Variants in CUL1 observed in about 807,000 individuals in gnomAD.
CUL1 encodes the protein cullin-1.
A neutral mutation model predicts 118.0 loss-of-function variants in CUL1; 24 were observed. The ratio of observed to expected loss-of-function variants is 0.20; its 90% CI spans 0.15 to 0.29. The LOEUF (loss-of-function observed/expected upper bound fraction) is 0.29. Ranked by LOEUF, CUL1 falls within the 10% of genes least tolerant of loss-of-function variation. The pLI, the probability that CUL1 is intolerant of heterozygous loss-of-function variation, is 1.00. For missense variants in CUL1, 361 were observed against 933.8 expected, an observed-to-expected ratio of 0.39 and a Z score of 7.99; for synonymous variants, 332 against 340.4, an observed-to-expected ratio of 0.98 and a Z score of 0.27.
At chr7:148,797,135 G>A (rs1316014021) in intron 17 of CUL1, among the ~76,000 whole-genome samples, 1 of 152,094 alleles carries the variant, frequency 6.6e-6, no homozygotes, top group Non-Finnish European at 1.5e-5. Flanking sequence ...TGCATCAAAG[G>A]CAAGTTGACA....
At chr7:148,745,510 C>T (rs1434502367) in intron 2 of CUL1, among the ~76,000 whole-genome samples, 3 of 152,004 alleles carry the variant, frequency 2.0e-5, no homozygotes, top group African/African-American at 7.3e-5. Flanking sequence ...AATATTTTTT[C>T]TAGAGTTTAT....
intron 7 of CUL1, among the ~76,000 whole-genome samples, chr7:148,762,977 T>C (rs1333681285): frequency 6.6e-6 from 1 of 152,166 alleles, no homozygotes; most frequent in Non-Finnish European, 1.5e-5. Context: ...TGAAACCCTC[T>C]CTCTAATAAA....
At chr7:148,749,003 G>A (rs1799394516) in intron 2 of CUL1, among the ~76,000 whole-genome samples, 1 of 152,030 alleles carries the variant, frequency 6.6e-6, no homozygotes, top group African/African-American at 2.4e-5. Context: ...TATTAGTATA[G>A]GTTTTTCCTA....
intron 2 of CUL1, among the ~76,000 whole-genome samples, chr7:148,733,675 T>C (rs1426758267): frequency 2.6e-5 from 4 of 152,214 alleles, no homozygotes. Flanking sequence ...GCAGTGCCTC[T>C]CACTGTTCTA....
chr7:148,798,086 A>C, intron 19 of CUL1, 67 bp downstream of exon 19: 1 of 924,592 alleles, frequency 1.1e-6, no homozygotes, highest in East Asian at 2.6e-5. Flanking sequence ...CCTAGCACGG[A>C]TCTCAGTATT....
chr7:148,799,482 G>A, intron 21 of CUL1, 94 bp downstream of exon 21: 1 of 809,062 alleles, frequency 1.2e-6, no homozygotes, highest in Non-Finnish European at 2.0e-6. Flanking sequence ...CATGAAGGAG[G>A]AGGGAGCTGG....
In CUL1 at chr7:148,783,765, T is replaced by C. The variant is rs932102179; in HGVS notation, c.1084-18T>C. On this transcript the variant is annotated intron_variant, in intron 9 of 21. Coordinates refer to ENST00000325222, the MANE Select transcript of CUL1 (RefSeq NM_003592.3). ...CCCCAATAACCAACTTTTGTTTCTA[T>C]TTCTGCCCCCATTTAAGGACCCCAA... 6.2e-7 allele frequency: 1 copy of C among 1,612,748 alleles called. No homozygotes were observed. Among genetic ancestry groups the C allele is most frequent in the South Asian group, 1.1e-5 (1 of 91,024 alleles).
chr7:148,756,993 A>G lies in CUL1; in HGVS notation c.326A>G (p.Asp109Gly), dbSNP rs746537446. 1.3e-6 allele frequency: 2 copies of G among 1,584,546 alleles called. No homozygotes were observed. The highest frequency in any genetic ancestry group is 1.2e-5 in the South Asian group (1 of 84,034). Residue 109 changes from aspartate to glycine, a missense_variant, in exon 4 of 22, where the codon GAT (aspartate) becomes GGT (glycine). Physicochemically the swap from Asp to Gly is moderately conservative, Grantham distance 94. Transcript: ENST00000325222. ...TTAACTTGTTTTTAGGATGGAGAAG[A>G]TTTGATGGATGAGAGTGTACTGAAA... Reference protein sequence around the residue: ...YLTNLLKDGEDLMDESVLKFY... With the variant: ...YLTNLLKDGEGLMDESVLKFY...
At chr7:148,705,618 T>A (rs243544) in intron 1 of CUL1, among the ~76,000 whole-genome samples, 49,106 of 152,050 alleles carry the variant, frequency 0.32, 8,554 homozygotes, top group South Asian at 0.48. Flanking sequence ...GGAAAAAGGC[T>A]GACAGCTCAG....
intron 9 of CUL1, chr7:148,783,369 T>A: frequency 1.0e-6 from 1 of 985,096 alleles, no homozygotes; most frequent in South Asian, 4.7e-5. Flanking sequence ...TTCCCTCGCG[T>A]TGCCTGCCCA....
chr7:148,761,026 TTATTTTTGTAGAGATAGGGTCTCGC>T (rs1480542554), intron 7 of CUL1, among the ~76,000 whole-genome samples: 4 of 152,174 alleles, frequency 2.6e-5, no homozygotes, highest in Admixed American at 6.5e-5. Context: ...GCTAATTGTT[TTATTTTTGTAGAGATAGGGTCTCGC>T]TATTTTTGTA....
At chr7:148,781,121 A>G (rs1034021609) in intron 9 of CUL1, among the ~76,000 whole-genome samples, 2 of 114,900 alleles carry the variant, frequency 1.7e-5, no homozygotes, top group South Asian at 5.7e-4. Flanking sequence ...TCGCACCGTC[A>G]CCTGGGCTGG....
intron 9 of CUL1, chr7:148,783,521 C>A: frequency 7.5e-7 from 1 of 1,335,794 alleles, no homozygotes; most frequent in Non-Finnish European, 9.6e-7. Context: ...TTTGAGTTTT[C>A]ACTGTTTTTA....
At chr7:148,759,221 T>C in intron 4 of CUL1, 83 bp from the exon 5 acceptor site, 1 of 1,318,064 alleles carries the variant, frequency 7.6e-7, no homozygotes. Context: ...ATAAAGTAAT[T>C]TGAGATTTAG....
intron 17 of CUL1, among the ~76,000 whole-genome samples, chr7:148,796,571 C>T (rs1000604719): frequency 7.9e-5 from 12 of 152,060 alleles, no homozygotes; most frequent in African/African-American, 2.9e-4. Flanking sequence ...TGAGTTTGTG[C>T]CTTTGTAGGT....
Position 148,787,379 on chromosome 7 carries a change from A to G in CUL1, c.1479+259A>G, listed in dbSNP as rs376537571. Reference sequence around the variant, plus strand: ...TGGGAGGCTGAGGCAGGAGAATGGCATGAACCCGGGAGGCAGAGGTTGCGG... The same window carrying G: ...TGGGAGGCTGAGGCAGGAGAATGGCGTGAACCCGGGAGGCAGAGGTTGCGG... On this transcript the variant is annotated intron_variant, in intron 13 of 21. Transcript: ENST00000325222. The surrounding 1 kb of genome is among the most constrained non-coding windows in gnomAD (Gnocchi z 5.5). 1.1e-4 allele frequency among the ~76,000 whole-genome samples: 16 copies of G among 152,056 alleles called. No homozygotes were observed. The East Asian group carries it at 2.7e-3, about 26-fold the overall frequency.
Position 148,754,118 on chromosome 7 carries a change from T to G in CUL1, c.283T>G (p.Phe95Val). 1 of 1,610,918 alleles carries G rather than the reference T, an allele frequency of 6.2e-7. No homozygotes were observed. Among genetic ancestry groups the G allele is most frequent in the Non-Finnish European group, 8.5e-7 (1 of 1,178,662 alleles). Residue 95 changes from phenylalanine to valine, a missense_variant, in exon 3 of 22, where the codon TTT (phenylalanine) becomes GTT (valine). Coordinates refer to ENST00000325222, the MANE Select transcript of CUL1 (RefSeq NM_003592.3). ...GGAATTATATAAACGACTTAAGGAATTTTTGAAGAATTACTTGACAAATCT... is the reference window on the plus strand; with the variant it reads ...GGAATTATATAAACGACTTAAGGAAGTTTTGAAGAATTACTTGACAAATCT... ...GLELYKRLKEFLKNYLTNLLK... is the reference protein window; with the variant it reads ...GLELYKRLKEVLKNYLTNLLK...
At chr7:148,720,153 A>G (rs1242015139) in intron 1 of CUL1, among the ~76,000 whole-genome samples, 4 of 152,168 alleles carry the variant, frequency 2.6e-5, no homozygotes, top group Non-Finnish European at 4.4e-5. Flanking sequence ...TGGAGGTGCC[A>G]TGGGTGTGGG....
intron 1 of CUL1, among the ~76,000 whole-genome samples, chr7:148,700,870 C>G (rs1797698891): frequency 6.6e-6 from 1 of 152,108 alleles, no homozygotes; most frequent in Non-Finnish European, 1.5e-5. Flanking sequence ...ATGCTCAGGT[C>G]CTTATAGCCA....
Sources: allele counts gnomAD v4.1 joint callset (sites outside exome capture counted in the v4.1 genomes callset), GRCh38; gene constraint gnomAD v4.1.1; non-coding constraint Gnocchi (gnomAD v3.1); transcripts MANE v1.5; gene names NCBI Gene and HGNC (gene_info 2026-07-23, HGNC 2026-07-21).